FBXO36: variants seen among roughly 807,000 people sequenced by gnomAD.
The protein encoded by FBXO36 is F-box protein 36, also known as F-box only protein 36.
In FBXO36, 18 loss-of-function variants were observed where a neutral mutation model predicts 17.0. The observed-to-expected ratio is 1.06, with a 90% CI of 0.73 to 1.57. The LOEUF (loss-of-function observed/expected upper bound fraction) is 1.57, where lower values mean the gene tolerates loss of function less well. FBXO36 is among the 40% of genes most tolerant of loss of function. The probability of loss-of-function intolerance (pLI) is 0.00; values close to 1 mark genes in which losing one functional copy is unlikely to be tolerated. For missense variants in FBXO36, 229 were observed against 221.9 expected (o/e 1.03, Z -0.20); for synonymous variants, 83 against 85.3 (o/e 0.97, Z 0.15).
chr2:229,938,640 A>G (rs2076979526), intron 1 of FBXO36, among the ~76,000 whole-genome samples: 1 of 144,406 alleles, frequency 6.9e-6, no homozygotes, highest in African/African-American at 2.6e-5. Flanking sequence ...ACCCGCCATC[A>G]TTCCCCACCA....
chr2:229,923,255 A>G (rs1281781689), intron 1 of FBXO36: 5 of 45,556 alleles, frequency 1.1e-4, no homozygotes, highest in Admixed American at 2.3e-4. Flanking sequence ...CTCCACAACA[A>G]TAAGACCGAG....
At chr2:229,982,722 G>C (rs539513163) in intron 2 of FBXO36, among the ~76,000 whole-genome samples, 1 of 147,732 alleles carries the variant, frequency 6.8e-6, no homozygotes, top group African/African-American at 2.5e-5. Flanking sequence ...GAGGAGAATC[G>C]CTTGAAACTG....
intron 1 of FBXO36, among the ~76,000 whole-genome samples, chr2:229,935,061 T>C (rs2076957318): frequency 6.6e-6 from 1 of 152,232 alleles, no homozygotes; most frequent in African/African-American, 2.4e-5. Context: ...AAATGTGTTA[T>C]ATGCCACAGT....
intron 2 of FBXO36, among the ~76,000 whole-genome samples, chr2:229,995,495 A>G (rs1316773539): frequency 6.6e-6 from 1 of 151,968 alleles, no homozygotes; most frequent in Non-Finnish European, 1.5e-5. Flanking sequence ...AAAAAATCAT[A>G]ATAATTTTTA....
intron 2 of FBXO36, among the ~76,000 whole-genome samples, chr2:229,991,175 A>G (rs1313658895): frequency 1.3e-5 from 2 of 152,178 alleles, no homozygotes; most frequent in Non-Finnish European, 2.9e-5. Flanking sequence ...ACCTTAAGTA[A>G]TCGGCCCACC....
Position 229,991,674 on chromosome 2 carries a change from A to G in FBXO36, c.206-5077A>G, listed in dbSNP as rs553293151. On this transcript the variant is annotated intron_variant, in intron 2 of 3. Transcript: ENST00000283946. The stretch of plus-strand genomic sequence containing the variant: ...TGTTTTTACCAACATAATTCTCTTA[A>G]AAATATCATGGGTTTTCCATAATTC... 8.5e-5 allele frequency among the ~76,000 whole-genome samples: 13 copies of G among 152,344 alleles called. No individual in the cohort carries two copies. The South Asian group carries it at 1.7e-3, about 19-fold the overall frequency.
At chr2:230,000,593 T>C (rs1355350603) in intron 3 of FBXO36, among the ~76,000 whole-genome samples, 2 of 151,924 alleles carry the variant, frequency 1.3e-5, no homozygotes, top group Admixed American at 1.3e-4. Context: ...TGGCTTCTGG[T>C]AGTTATTTCT....
At chr2:229,925,022 G>A (rs557415314) in intron 1 of FBXO36, among the ~76,000 whole-genome samples, 1 of 152,066 alleles carries the variant, frequency 6.6e-6, no homozygotes, top group East Asian at 1.9e-4. Flanking sequence ...GAGCCACCGC[G>A]CCCGGCCCTA....
chr2:229,983,127 G>A (rs1444885194), intron 2 of FBXO36, among the ~76,000 whole-genome samples: 1 of 152,000 alleles, frequency 6.6e-6, no homozygotes, highest in Non-Finnish European at 1.5e-5. Context: ...TGTAATCCCA[G>A]CACTTTGGGA....
rs562920835 is a variant in FBXO36 at position 229,928,873 on chromosome 2, G to A, written c.96+6264G>A. 2.0e-5 allele frequency among the ~76,000 whole-genome samples: 3 copies of A among 152,102 alleles called. No homozygotes were observed. In the East Asian group the frequency reaches 5.8e-4, roughly 29 times the overall value. ...ACTCCTGGGCTCAAGCAATCCTTGC[G>A]CCTCTGTGTCCCAAAGTGCTGGGAT... On this transcript the variant is annotated intron_variant, in intron 1 of 3. Transcript: ENST00000283946.
chr2:229,944,118 C>A (rs756053398), intron 1 of FBXO36, among the ~76,000 whole-genome samples: 1 of 152,292 alleles, frequency 6.6e-6, no homozygotes, highest in Non-Finnish European at 1.5e-5. Context: ...GCCTGTGGAA[C>A]TGTGAATCAG....
intron 1 of FBXO36, among the ~76,000 whole-genome samples, chr2:229,948,203 C>G (rs1034560146): frequency 6.6e-6 from 1 of 151,948 alleles, no homozygotes; most frequent in Non-Finnish European, 1.5e-5. Flanking sequence ...CACTTGTGTC[C>G]CCACATTTAC....
At chr2:229,985,538 C>T (rs558494448) in intron 2 of FBXO36, among the ~76,000 whole-genome samples, 2 of 152,282 alleles carry the variant, frequency 1.3e-5, no homozygotes, top group African/African-American at 4.8e-5. Context: ...TGTCTTCAGC[C>T]TTGATCTCTA....
intron 2 of FBXO36, among the ~76,000 whole-genome samples, chr2:229,987,545 T>G (rs899078026): frequency 2.0e-5 from 3 of 152,170 alleles, no homozygotes; most frequent in African/African-American, 7.2e-5. Context: ...CTTATTTCCT[T>G]TCTACTACTT....
At chr2:229,936,210 A>G (rs2076963086) in intron 1 of FBXO36, among the ~76,000 whole-genome samples, 3 of 151,878 alleles carry the variant, frequency 2.0e-5, no homozygotes, top group African/African-American at 7.3e-5. Context: ...CAAACAAAAA[A>G]CTAACTCATC....
At chr2:230,009,611 C>G (rs528574670) in intron 3 of FBXO36, among the ~76,000 whole-genome samples, 1 of 152,122 alleles carries the variant, frequency 6.6e-6, no homozygotes, top group Non-Finnish European at 1.5e-5. Flanking sequence ...TGGCTAAAGA[C>G]AGACAGAAGA....
At chr2:229,960,155 C>T (rs1354833161) in intron 1 of FBXO36, among the ~76,000 whole-genome samples, 7 of 151,894 alleles carry the variant, frequency 4.6e-5, no homozygotes, top group Admixed American at 3.3e-4. Flanking sequence ...TCATATCCAT[C>T]TAGAATTTAT....
At chr2:229,980,319 C>G (rs919192044) in intron 2 of FBXO36, among the ~76,000 whole-genome samples, 1 of 146,246 alleles carries the variant, frequency 6.8e-6, no homozygotes, top group Non-Finnish European at 1.6e-5. Flanking sequence ...CCTCGGCCTC[C>G]CAAAGTGCCG....
At position 230,010,806 on chromosome 2, in the gene FBXO36, C is replaced by T; in HGVS notation, c.489C>T (p.Phe163=). ...AEDTGWRQLF[F]TNKLQLQRQL... ...ACACAGGCTGGAGACAGCTGTTCTT[C>T]ACCAACAAGCTCCAGCTCCAGCGGC... The change falls in exon 4 of 4, where the codon TTC becomes TTT. Residue 163 remains phenylalanine (F), a synonymous_variant. Transcript: ENST00000283946. 1 of 1,613,944 alleles carries T rather than the reference C, an allele frequency of 6.2e-7. No individual in the cohort carries two copies. Among genetic ancestry groups the T allele is most frequent in the Non-Finnish European group, 8.5e-7 (1 of 1,179,846 alleles).
Sources: allele counts gnomAD v4.1 joint callset (sites outside exome capture counted in the v4.1 genomes callset), GRCh38; gene constraint gnomAD v4.1.1; transcripts MANE v1.5; gene names NCBI Gene and HGNC (gene_info 2026-07-23, HGNC 2026-07-21).